GPM6A: variants seen among roughly 807,000 people sequenced by gnomAD.
The protein encoded by GPM6A is glycoprotein M6A, also known as neuronal membrane glycoprotein M6-a.
GPM6A carries 7 observed loss-of-function variants against 32.1 expected under a neutral mutation model. The observed-to-expected ratio is 0.22, with a 90% CI of 0.12 to 0.41. GPM6A has a LOEUF of 0.41. Ranked by LOEUF, GPM6A falls within the 10% of genes least tolerant of loss-of-function variation. The pLI is 1.00. For missense variants in GPM6A, 235 were observed against 347.2 expected, an observed-to-expected ratio of 0.68 and a Z score of 2.57; for synonymous variants, 130 against 123.4, an observed-to-expected ratio of 1.05 and a Z score of -0.35.
At chr4:175,813,741 C>T (rs1179532512), upstream of GPM6A, among the ~76,000 whole-genome samples, 1 of 152,242 alleles carries the variant, frequency 6.6e-6, no homozygotes, top group African/African-American at 2.4e-5. Flanking sequence ...GCACATCACC[C>T]TCTAAATATT....
At chr4:175,824,467 T>A (rs115196000) in intron 1 of GPM6A, among the ~76,000 whole-genome samples, 3 of 152,312 alleles carry the variant, frequency 2.0e-5, no homozygotes, top group African/African-American at 7.2e-5. Flanking sequence ...GTGATTTATT[T>A]CCTCTCTCTG....
rs149691781 is a variant in GPM6A, at chr4:175,693,813, T to G, written c.230+7762A>C. ...TATCTGTGTCCCCACCCAAATCTAA[T>G]GTTTAATTGTAATCCCGAATGTCAG... is the stretch of plus-strand genomic sequence containing the variant. On this transcript the variant is annotated intron_variant, in intron 2 of 6. Coordinates refer to ENST00000393658, the MANE Select transcript of GPM6A (RefSeq NM_201591.3). 9.8e-4 allele frequency among the ~76,000 whole-genome samples: 149 copies of G among 152,308 alleles called. 1 individual carries two copies. Among genetic ancestry groups the G allele is most frequent in the African/African-American group, 3.5e-3 (144 of 41,578 alleles).
At chr4:175,654,704 G>A (rs1263827235) in intron 3 of GPM6A, among the ~76,000 whole-genome samples, 1 of 152,064 alleles carries the variant, frequency 6.6e-6, no homozygotes, top group Admixed American at 6.6e-5. Flanking sequence ...CCCTGAAAGT[G>A]AAGAAATCTT....
Position 175,643,924 on chromosome 4 carries a change from G to C in GPM6A, c.542-3095C>G, listed in dbSNP as rs191401075. ...AGTGCACATACGGTCCTTCCCAAGT[G>C]CCGGCCACCCACTGCACATGCGGAC... On this transcript the variant is annotated intron_variant, in intron 4 of 6. Transcript: ENST00000393658. 2.8e-3 allele frequency among the ~76,000 whole-genome samples: 420 copies of C among 152,210 alleles called. 3 individuals are homozygous for C. Among genetic ancestry groups the C allele is most frequent in the Non-Finnish European group, 4.2e-3 (286 of 68,034 alleles).
intron 1 of GPM6A, among the ~76,000 whole-genome samples, chr4:175,777,267 T>A (rs1377005025): frequency 6.6e-6 from 1 of 152,114 alleles, no homozygotes; most frequent in Non-Finnish European, 1.5e-5. Context: ...ATAATAAAGA[T>A]CATAGGTTTT....
intron 1 of GPM6A, among the ~76,000 whole-genome samples, chr4:175,893,854 G>T (rs1737716561): frequency 6.6e-6 from 1 of 151,916 alleles, no homozygotes; most frequent in South Asian, 2.1e-4. Context: ...TCTCTTTGTA[G>T]GACATGAAGG....
At chr4:175,904,773 C>T (rs1738078448) in intron 1 of GPM6A, among the ~76,000 whole-genome samples, 1 of 152,052 alleles carries the variant, frequency 6.6e-6, no homozygotes, top group South Asian at 2.1e-4. Context: ...GGGCTTAGTG[C>T]TGGTTGTTAT....
At chr4:175,954,866 A>T (rs993062351) in intron 1 of GPM6A, among the ~76,000 whole-genome samples, 1 of 152,216 alleles carries the variant, frequency 6.6e-6, no homozygotes, top group Non-Finnish European at 1.5e-5. Flanking sequence ...TAATGGAACA[A>T]AAGAGAGATA....
intron 1 of GPM6A, among the ~76,000 whole-genome samples, chr4:175,956,108 C>T (rs992060871): frequency 6.6e-6 from 1 of 152,068 alleles, no homozygotes; most frequent in African/African-American, 2.4e-5. Context: ...CGTACAAAAC[C>T]GAATGCTCTA....
chr4:175,742,369 C>A (rs1012285765), intron 1 of GPM6A, among the ~76,000 whole-genome samples: 3 of 152,050 alleles, frequency 2.0e-5, no homozygotes, highest in Admixed American at 2.0e-4. Context: ...AAACTAATTA[C>A]CCAGCAACAT....
intron 1 of GPM6A, among the ~76,000 whole-genome samples, chr4:175,869,706 G>A (rs541257383): frequency 5.2e-4 from 79 of 151,952 alleles, no homozygotes; most frequent in African/African-American, 1.7e-3. Context: ...GCAGTGAGCC[G>A]AGATCATGCC....
intron 1 of GPM6A, among the ~76,000 whole-genome samples, chr4:175,924,487 G>T (rs1173294765): frequency 6.6e-6 from 1 of 152,102 alleles, no homozygotes; most frequent in Non-Finnish European, 1.5e-5. Flanking sequence ...GATAGGTGAG[G>T]TGTATATGAA....
At chr4:175,924,937 T>C (rs1045249565) in intron 1 of GPM6A, among the ~76,000 whole-genome samples, 18 of 152,086 alleles carry the variant, frequency 1.2e-4, no homozygotes, top group African/African-American at 4.1e-4. Flanking sequence ...ATTTATACAA[T>C]TTATTTTGGG....
intron 1 of GPM6A, among the ~76,000 whole-genome samples, chr4:175,961,719 G>A (rs1255743524): frequency 1.3e-5 from 2 of 152,134 alleles, no homozygotes; most frequent in Non-Finnish European, 2.9e-5. Context: ...GAGTGAGAGA[G>A]CAGCTCTTTC....
chr4:175,932,445 C>T (rs1196110871), intron 1 of GPM6A, among the ~76,000 whole-genome samples: 1 of 152,186 alleles, frequency 6.6e-6, no homozygotes, highest in Admixed American at 6.5e-5. Context: ...CTGTGAGCGC[C>T]TTGATCTCGG....
intron 1 of GPM6A, among the ~76,000 whole-genome samples, chr4:175,846,677 G>A (rs969281200): frequency 6.6e-6 from 1 of 151,994 alleles, no homozygotes; most frequent in African/African-American, 2.4e-5. Flanking sequence ...CGAAGAATAA[G>A]GTCTCCTACT....
chr4:175,679,734 T>A (rs1743576015), intron 2 of GPM6A, among the ~76,000 whole-genome samples: 1 of 152,168 alleles, frequency 6.6e-6, no homozygotes, highest in South Asian at 2.1e-4. Flanking sequence ...TGGTATCTGA[T>A]TTTTTTCTCA....
intron 1 of GPM6A, among the ~76,000 whole-genome samples, chr4:175,875,657 T>G (rs1737061793): frequency 6.6e-6 from 1 of 152,168 alleles, no homozygotes; most frequent in African/African-American, 2.4e-5. Context: ...GAGCATCTCA[T>G]CCCTACAAAT....
intron 1 of GPM6A, among the ~76,000 whole-genome samples, chr4:175,722,057 C>A (rs1037954041): frequency 9.2e-5 from 14 of 152,000 alleles, no homozygotes; most frequent in African/African-American, 3.4e-4. Flanking sequence ...GAGGCTGAGG[C>A]AGGAGAATTG....
Sources: gnomAD v4.1 joint callset for allele counts (sites outside exome capture counted in the v4.1 genomes callset) on GRCh38, gnomAD v4.1.1 for gene constraint, MANE v1.5 for transcripts, NCBI Gene and HGNC (gene_info 2026-07-23, HGNC 2026-07-21) for gene names.